The following ADAMTS17 variants were observed in gnomAD, a reference collection of about 807,000 sequenced individuals.
ADAMTS17 encodes the protein A disintegrin and metalloproteinase with thrombospondin motifs 17.
A neutral mutation model predicts 141.5 loss-of-function variants in ADAMTS17; 113 were observed. The observed-to-expected ratio is 0.80, with a 90% confidence interval of 0.69 to 0.93. ADAMTS17 has a LOEUF of 0.93. Ranked by LOEUF, ADAMTS17 falls within the 40% of genes least tolerant of loss-of-function variation. The probability of loss-of-function intolerance (pLI) is 0.00; values close to 1 mark genes in which losing one functional copy is unlikely to be tolerated. For missense variants in ADAMTS17, 1,659 were observed against 1,517.9 expected (o/e 1.09, Z -1.54); for synonymous variants, 768 against 630.6 (o/e 1.22, Z -3.27).
chr15:100,217,854 A>C (rs1436390045), intron 7 of ADAMTS17, among the ~76,000 whole-genome samples: 1 of 152,208 alleles, frequency 6.6e-6, no homozygotes, highest in African/African-American at 2.4e-5. Flanking sequence ...ATATATTTCA[A>C]AACAGCTAAA....
intron 3 of ADAMTS17, among the ~76,000 whole-genome samples, chr15:100,316,074 A>AT (rs1192598396): frequency 6.6e-6 from 1 of 152,208 alleles, no homozygotes; most frequent in Non-Finnish European, 1.5e-5. Flanking sequence ...GCAGGAAGAA[A>AT]TTTTTTTAAC....
At chr15:99,999,131 C>T (rs1301955591) in intron 18 of ADAMTS17, among the ~76,000 whole-genome samples, 3 of 152,152 alleles carry the variant, frequency 2.0e-5, no homozygotes, top group Non-Finnish European at 4.4e-5. Flanking sequence ...TTATCGAGGG[C>T]CTCCCACGTG....
At chr15:100,251,601 T>G (rs1448919206) in intron 7 of ADAMTS17, among the ~76,000 whole-genome samples, 1 of 152,146 alleles carries the variant, frequency 6.6e-6, no homozygotes, top group Non-Finnish European at 1.5e-5. Context: ...GGCAGGCACC[T>G]GTAGTCCCAG....
chr15:100,038,503 T>TTTCC (rs202246794), intron 18 of ADAMTS17, among the ~76,000 whole-genome samples: 2 of 152,220 alleles, frequency 1.3e-5, no homozygotes, highest in African/African-American at 2.4e-5. Context: ...AATGAATGTC[T>TTTCC]ATTTGAGATA....
chr15:100,225,893 C>A (rs952006898), intron 7 of ADAMTS17, among the ~76,000 whole-genome samples: 5 of 149,142 alleles, frequency 3.4e-5, no homozygotes, highest in African/African-American at 1.3e-4. Context: ...TTACAGCAGT[C>A]ACGGTCTCTG....
intron 17 of ADAMTS17, 56 bp from the exon 18 acceptor site, chr15:100,049,048 C>T: frequency 6.2e-7 from 1 of 1,613,644 alleles, no homozygotes; most frequent in South Asian, 1.1e-5. Context: ...CGTGGAAAGG[C>T]TGGGCTTGCA....
At position 100,320,092 on chromosome 15, in the gene ADAMTS17, A is replaced by G. The variant is rs76058868; in HGVS notation, c.616+10797T>C. On this transcript the variant is annotated intron_variant, in intron 3 of 21. Coordinates refer to ENST00000268070, the MANE Select transcript of ADAMTS17 (RefSeq NM_139057.4). Reference sequence around the variant, plus strand: ...AATTAAAAACTCAGTAGAAGATTAAATGGAGATCAGACGTAGTTTAAGAAA... The same window carrying G: ...AATTAAAAACTCAGTAGAAGATTAAGTGGAGATCAGACGTAGTTTAAGAAA... Among the ~76,000 whole-genome samples, 170 of 152,330 alleles carry G rather than the reference A, an allele frequency of 1.1e-3. 1 individual carries two copies. In the East Asian group the frequency reaches 0.031, roughly 28 times the overall value.
At chr15:100,089,417 A>G (rs1056337122) in intron 15 of ADAMTS17, among the ~76,000 whole-genome samples, 16 of 149,926 alleles carry the variant, frequency 1.1e-4, no homozygotes, top group Admixed American at 9.3e-4. Context: ...TGTGGAAGAC[A>G]GTGTGGCGAT....
intron 15 of ADAMTS17, among the ~76,000 whole-genome samples, chr15:100,055,444 G>A (rs2032485928): frequency 6.6e-6 from 1 of 152,174 alleles, no homozygotes; most frequent in South Asian, 2.1e-4. Flanking sequence ...CCCACTGCTC[G>A]CTCCCGGCAA....
chr15:100,061,692 C>T (rs186750131), intron 15 of ADAMTS17, among the ~76,000 whole-genome samples: 4 of 152,192 alleles, frequency 2.6e-5, no homozygotes, highest in Admixed American at 1.3e-4. Context: ...CTGAGCCAGG[C>T]GGAGCAGCCA....
chr15:100,017,714 G>A (rs2061319635), intron 18 of ADAMTS17, among the ~76,000 whole-genome samples: 1 of 152,208 alleles, frequency 6.6e-6, no homozygotes, highest in South Asian at 2.1e-4. Context: ...AGTATTTGGA[G>A]TGTCTCCTGG....
intron 18 of ADAMTS17, among the ~76,000 whole-genome samples, chr15:100,036,227 G>C (rs1391608951): frequency 2.6e-5 from 4 of 152,252 alleles, no homozygotes; most frequent in African/African-American, 4.8e-5. Context: ...GAGGCAGCAA[G>C]GGGAAGGTGC....
intron 14 of ADAMTS17, among the ~76,000 whole-genome samples, chr15:100,099,520 C>G (rs139985424): frequency 2.7e-3 from 406 of 152,324 alleles, no homozygotes; most frequent in Non-Finnish European, 4.3e-3. Flanking sequence ...CCTGAGGAAA[C>G]TCCAGGCAAT....
chr15:99,974,343 T>TGCGG lies in ADAMTS17; in HGVS notation c.*55_*58dup. 6.2e-7 allele frequency: 1 copy of TGCGG among 1,610,730 alleles called. No individual in the cohort carries two copies. Among genetic ancestry groups the TGCGG allele is most frequent in the Non-Finnish European group, 8.5e-7 (1 of 1,178,960 alleles). On this transcript the variant is annotated 3_prime_UTR_variant, in exon 22 of 22. Transcript: ENST00000268070. ...GGCGTGGCCACAAGGCTGGTAGGCTTGCGGGTGGGTGGGTTTCAGACCTGA... is the reference window on the plus strand; with the variant it reads ...GGCGTGGCCACAAGGCTGGTAGGCTTGCGGGCGGGTGGGTGGGTTTCAGACCTGA...
intron 20 of ADAMTS17, among the ~76,000 whole-genome samples, chr15:99,983,801 G>A (rs1596152928): frequency 6.6e-6 from 1 of 152,184 alleles, no homozygotes; most frequent in African/African-American, 2.4e-5. Flanking sequence ...GGGCCAGCCT[G>A]CCTCAGGCTG....
At chr15:100,339,853 G>C (rs1034903601) in intron 2 of ADAMTS17, among the ~76,000 whole-genome samples, 3 of 152,204 alleles carry the variant, frequency 2.0e-5, no homozygotes, top group African/African-American at 7.2e-5. Flanking sequence ...TACACACAGA[G>C]ATACCCGCAG....
At chr15:100,145,814 T>C (rs951549705) in intron 10 of ADAMTS17, among the ~76,000 whole-genome samples, 4 of 152,230 alleles carry the variant, frequency 2.6e-5, no homozygotes, top group African/African-American at 9.6e-5. Context: ...ACTCTGTTGT[T>C]ATTTATTGGT....
rs2060276705 is a variant in ADAMTS17 at position 99,974,430 on chromosome 15, T to G, written c.3260A>C (p.Lys1087Thr). The change falls in exon 22 of 22, where the codon AAG becomes ACG. Residue 1087 changes from lysine (K) to threonine (T), a missense_variant. Coordinates refer to ENST00000268070, the MANE Select transcript of ADAMTS17 (RefSeq NM_139057.4). ...CGAGTTCGGCGGTGGCTGGCGCATC[T>G]TGTTTGCATAGAAGTCCCTGCAGGT... is the stretch of plus-strand genomic sequence containing the variant. ...CQTCRDFYAN[K>T]MRQPPPNS 1 of 1,614,128 alleles carries G rather than the reference T, an allele frequency of 6.2e-7. No homozygotes were observed. The highest frequency in any genetic ancestry group is 8.5e-7 in the Non-Finnish European group (1 of 1,180,022).
intron 3 of ADAMTS17, among the ~76,000 whole-genome samples, chr15:100,300,585 A>C (rs1209840020): frequency 6.6e-6 from 1 of 152,238 alleles, no homozygotes; most frequent in African/African-American, 2.4e-5. Context: ...CTTGGGCTCC[A>C]CCAGGGTGAG....
Sources: allele counts gnomAD v4.1 joint callset (sites outside exome capture counted in the v4.1 genomes callset), GRCh38; gene constraint gnomAD v4.1.1; transcripts MANE v1.5; gene names NCBI Gene and HGNC (gene_info 2026-07-23, HGNC 2026-07-21).